PTPN13: variants seen among roughly 807,000 people sequenced by gnomAD.
PTPN13 encodes tyrosine-protein phosphatase non-receptor type 13.
Under a neutral mutation model 284.0 loss-of-function variants are expected in PTPN13, and 191 were observed. That is an observed-to-expected ratio of 0.67 (90% CI 0.60 to 0.76). The LOEUF (loss-of-function observed/expected upper bound fraction) is 0.76. Ranked by LOEUF, PTPN13 falls within the 30% of genes least tolerant of loss-of-function variation. PTPN13 has a pLI of 0.00. For synonymous variants in PTPN13, 986 were observed against 1,022.3 expected (o/e 0.96, Z 0.68); for missense variants, 2,797 against 2,939.9 (o/e 0.95, Z 1.12).
chr4:86,752,253 A>T (rs1256008642), intron 19 of PTPN13, among the ~76,000 whole-genome samples: 2 of 152,166 alleles, frequency 1.3e-5, no homozygotes, highest in African/African-American at 4.8e-5. Context: ...TAATTACCCA[A>T]AGTTTAAAAG....
At chr4:86,654,031 G>A (rs1334593227) in intron 2 of PTPN13, among the ~76,000 whole-genome samples, 1 of 152,104 alleles carries the variant, frequency 6.6e-6, no homozygotes, top group Non-Finnish European at 1.5e-5. Flanking sequence ...AGTGTGTAGA[G>A]GGAAATTTAT....
intron 2 of PTPN13, among the ~76,000 whole-genome samples, chr4:86,655,789 G>C (rs1422937369): frequency 6.6e-6 from 1 of 152,166 alleles, no homozygotes; most frequent in African/African-American, 2.4e-5. Context: ...ACGTTGGCCT[G>C]CCTTGCTAGG....
chr4:86,775,443 T>G lies in PTPN13; in HGVS notation c.5682T>G (p.Gly1894=). Residue 1894 remains glycine, a splice_region_variant and synonymous_variant, in exon 35 of 48, where the codon GGT becomes GGG. Coordinates refer to ENST00000411767, the MANE Select transcript of PTPN13 (RefSeq NM_080683.3). ...ITLTCNKEEL[G]FSLCGGHDSL... ...ACAAATATTTTCTATTATTTCAAGG[T>G]TTTTCCTTATGTGGAGGTCATGACA... 1 of 1,602,208 alleles carries G rather than the reference T, an allele frequency of 6.2e-7. No homozygotes were observed.
rs192908727 is a variant in PTPN13, at chr4:86,755,892, T to C, written c.3224-2368T>C. Among the ~76,000 whole-genome samples the C allele has an allele frequency of 1.4e-3, 218 of 152,030 alleles. 1 individual carries two copies. Among genetic ancestry groups the C allele is most frequent in the South Asian group, 5.0e-3 (24 of 4,826 alleles). The stretch of plus-strand genomic sequence containing the variant: ...ATGTTTAAAACTCACCACAGTTAAG[T>C]GCCTTTTTATTCTTAGTTGGGATGA... On this transcript the variant is annotated intron_variant, in intron 20 of 47. Coordinates refer to ENST00000411767, the MANE Select transcript of PTPN13 (RefSeq NM_080683.3).
At position 86,785,919 on chromosome 4, in the gene PTPN13, C is replaced by T. The variant is rs772260408; in HGVS notation, c.6328C>T (p.Pro2110Ser). Residue 2110 changes from proline (P) to serine (S), a missense_variant, in exon 40 of 48, where the codon CCT becomes TCT. By Grantham distance (74) the Pro-to-Ser change is moderately conservative (BLOSUM62 -1). Transcript: ENST00000411767. ...TACAGACTGCGATGGTTCACCTTTACCTGAGTATTTTACTGAGGTAACAAT... is the reference window on the plus strand; with the variant it reads ...TACAGACTGCGATGGTTCACCTTTATCTGAGTATTTTACTGAGGTAACAAT... ...EDTDCDGSPL[P>S]EYFTEATKMN... 2 of 1,551,970 alleles carry T rather than the reference C, an allele frequency of 1.3e-6. No homozygotes were observed. Among genetic ancestry groups the T allele is most frequent in the South Asian group, 2.4e-5 (2 of 82,768 alleles).
intron 33 of PTPN13, 29 bp from the exon 34 acceptor site, chr4:86,775,142 C>A (rs1443418146): frequency 3.3e-6 from 5 of 1,506,916 alleles, no homozygotes; most frequent in Non-Finnish European, 4.4e-6. Context: ...AAATTGTGAT[C>A]TTCACATGCC....
intron 1 of PTPN13, among the ~76,000 whole-genome samples, chr4:86,631,829 A>G (rs1171912817): frequency 6.6e-6 from 1 of 152,078 alleles, no homozygotes; most frequent in African/African-American, 2.4e-5. Context: ...TCATTTTTTT[A>G]TTTATAGGGA....
At chr4:86,744,636 G>A (rs560704052) in intron 16 of PTPN13, among the ~76,000 whole-genome samples, 43 of 152,150 alleles carry the variant, frequency 2.8e-4, no homozygotes, top group Non-Finnish European at 5.7e-4. Flanking sequence ...GTGTTTAGAT[G>A]TATACTACAC....
chr4:86,639,544 T>C (rs1320035668), intron 2 of PTPN13, among the ~76,000 whole-genome samples: 1 of 152,004 alleles, frequency 6.6e-6, no homozygotes, highest in Non-Finnish European at 1.5e-5. Context: ...TGGATGAAAT[T>C]GGAAATCATC....
At chr4:86,644,306 T>C (rs893209902) in intron 2 of PTPN13, among the ~76,000 whole-genome samples, 1 of 152,006 alleles carries the variant, frequency 6.6e-6, no homozygotes. Context: ...CAAATTTTTT[T>C]TGTGTGTATT....
chr4:86,689,581 T>TAC, intron 5 of PTPN13: 1 of 695,218 alleles, frequency 1.4e-6, no homozygotes, highest in Non-Finnish European at 2.6e-6. Context: ...TGTTGCTTTA[T>TAC]ACCTGTTTCG....
chr4:86,616,246 G>C (rs908225880), intron 1 of PTPN13, among the ~76,000 whole-genome samples: 1 of 152,144 alleles, frequency 6.6e-6, no homozygotes, highest in Admixed American at 6.5e-5. Flanking sequence ...ATAATATAAA[G>C]TGTTATAAAT....
In PTPN13 at chr4:86,712,568, A is replaced by G. The variant is rs1344922062; in HGVS notation, c.1196-3962A>G. Among the ~76,000 whole-genome samples the G allele has an allele frequency of 3.3e-5, 5 of 152,172 alleles. No homozygotes were observed. The East Asian group carries it at 9.6e-4, about 29-fold the overall frequency. On this transcript the variant is annotated intron_variant, in intron 7 of 47. Transcript: ENST00000411767. ...ATTCTTACTACTTCAGTTAACATAG[A>G]TACACCCACCCCTACCCCAGTATTT...
rs1229377193 is a variant in PTPN13, at chr4:86,765,447, T to C, written c.4202T>C (p.Ile1401Thr). ...RHGGIYVKAV[I>T]PQGAAESDGR... ...GGTGGCATTTATGTGAAAGCTGTTATTCCCCAGGGAGCAGCAGAGTCTGAT... is the reference window on the plus strand; with the variant it reads ...GGTGGCATTTATGTGAAAGCTGTTACTCCCCAGGGAGCAGCAGAGTCTGAT... The change falls in exon 26 of 48, where the codon ATT becomes ACT. Residue 1401 changes from isoleucine (I) to threonine (T), a missense_variant. By Grantham distance (89) the Ile-to-Thr change is moderately conservative (BLOSUM62 -1). Transcript: ENST00000411767. 10 of 1,602,090 alleles carry C rather than the reference T, an allele frequency of 6.2e-6. No individual in the cohort carries two copies. The highest frequency in any genetic ancestry group is 8.5e-6 in the Non-Finnish European group (10 of 1,173,800).
chr4:86,743,415 A>G (rs778193081), intron 16 of PTPN13, among the ~76,000 whole-genome samples: 3 of 152,080 alleles, frequency 2.0e-5, no homozygotes, highest in Non-Finnish European at 4.4e-5. Context: ...GAGTTTTACA[A>G]CTATGGAGTT....
intron 6 of PTPN13, 54 bp downstream of exon 6, chr4:86,693,728 C>A: frequency 7.7e-7 from 1 of 1,292,736 alleles, no homozygotes; most frequent in East Asian, 2.6e-5. Context: ...CCATTGTTTT[C>A]TTTACAAAAT....
At chr4:86,796,822 GA>G in intron 40 of PTPN13, 51 bp from the exon 41 acceptor site, 1 of 1,184,210 alleles carries the variant, frequency 8.4e-7, no homozygotes, top group Non-Finnish European at 1.2e-6. Flanking sequence ...AATAGTATGC[GA>G]TTTTTTTTGT....
At chr4:86,757,388 G>A (rs1351061498) in intron 20 of PTPN13, among the ~76,000 whole-genome samples, 1 of 152,140 alleles carries the variant, frequency 6.6e-6, no homozygotes, top group Non-Finnish European at 1.5e-5. Context: ...TTACTTGTGA[G>A]ATTGTTTCAC....
At chr4:86,600,821 T>A (rs1456030587) in intron 1 of PTPN13, among the ~76,000 whole-genome samples, 2 of 152,040 alleles carry the variant, frequency 1.3e-5, no homozygotes, top group Non-Finnish European at 2.9e-5. Flanking sequence ...TTATTTTAGG[T>A]CTTAGTGTAG....
Sources: allele counts gnomAD v4.1 joint callset (sites outside exome capture counted in the v4.1 genomes callset), GRCh38; gene constraint gnomAD v4.1.1; transcripts MANE v1.5; gene names NCBI Gene and HGNC (gene_info 2026-07-23, HGNC 2026-07-21).